The following ATP8B3 variants were observed in gnomAD, a reference collection of about 807,000 sequenced individuals.
ATP8B3 encodes phospholipid-transporting ATPase IK.
A neutral mutation model predicts 140.9 loss-of-function variants in ATP8B3; 141 were observed. The ratio of observed to expected loss-of-function variants is 1.00; its 90% CI spans 0.87 to 1.15. The LOEUF (loss-of-function observed/expected upper bound fraction) is 1.15. Ranked by LOEUF, ATP8B3 falls within the 50% of genes most tolerant of loss-of-function variation. The pLI, the probability that ATP8B3 is intolerant of heterozygous loss-of-function variation, is 0.00. For synonymous variants in ATP8B3, 765 were observed against 714.6 expected (o/e 1.07, Z -1.13); for missense variants, 1,874 against 1,740.6 (o/e 1.08, Z -1.36).
intron 18 of ATP8B3, 89 bp from the exon 19 acceptor site, chr19:1,792,224 C>A (rs1043759636): frequency 1.7e-5 from 24 of 1,405,550 alleles, no homozygotes; most frequent in Admixed American, 1.6e-4. Flanking sequence ...GCTCCGGAGC[C>A]TGGGTCCCCC....
In ATP8B3 at chr19:1,809,679, C is replaced by G. The variant is rs747265081; in HGVS notation, c.366G>C (p.Glu122Asp). 1.2e-6 allele frequency: 2 copies of G among 1,611,486 alleles called. No homozygotes were observed. Among genetic ancestry groups the G allele is most frequent in the Non-Finnish European group, 1.7e-6 (2 of 1,179,176 alleles). ...NNRAYNGQFK[E>D]KVILCWQRKK... ...TCCTTTGCCAGCACAGGATCACCTTCTCCTTGAACTGCCCGTTGTAGGCAC... is the reference window on the plus strand; with the variant it reads ...TCCTTTGCCAGCACAGGATCACCTTGTCCTTGAACTGCCCGTTGTAGGCAC... Residue 122 changes from glutamate to aspartate, a missense_variant, in exon 4 of 29, where the codon GAG becomes GAC. Around this residue, in one of 3 missense-constraint regions of ATP8B3, gnomAD observed 1,032 missense variants for 963.6 expected, o/e 1.07. Transcript: ENST00000310127.
chr19:1,788,811 C>A, intron 24 of ATP8B3, 86 bp downstream of exon 24: 2 of 1,279,378 alleles, frequency 1.6e-6, no homozygotes, highest in Non-Finnish European at 2.2e-6. Flanking sequence ...GTTCTCAGTG[C>A]GTCCAGGGCT....
chr19:1,802,748 C>T, intron 10 of ATP8B3, 103 bp from the exon 11 acceptor site: 1 of 1,369,688 alleles, frequency 7.3e-7, no homozygotes, highest in Non-Finnish European at 9.9e-7. Context: ...CCTCACGAGC[C>T]CCTCTGTGCC....
At chr19:1,792,914 CAAA>C (rs199718872) in intron 18 of ATP8B3, among the ~76,000 whole-genome samples, 39,565 of 100,384 alleles carry the variant, frequency 0.39, 5,739 homozygotes, top group East Asian at 0.53. Context: ...GATTCTGTTT[CAAA>C]AAAAAAAAAA....
chr19:1,806,834 G>C lies in ATP8B3; in HGVS notation c.616-145C>G. On this transcript the variant is annotated intron_variant, in intron 6 of 28. Coordinates refer to ENST00000310127, the MANE Select transcript of ATP8B3 (RefSeq NM_138813.4). The surrounding 1 kb of genome is among the most constrained non-coding windows in gnomAD (Gnocchi z 5.6). ...CCACGCCACGTTGCGTCTGCTCAGG[G>C]ATCCCGGACGTGGGGGCCACTGGAC... The C allele has an allele frequency of 1.1e-6, 1 of 948,184 alleles. No individual in the cohort carries two copies. Among genetic ancestry groups the C allele is most frequent in the Non-Finnish European group, 1.6e-6 (1 of 625,356 alleles). 58.7% of individuals were successfully genotyped at this position (948,184 alleles called of 1,614,324 possible).
intron 18 of ATP8B3, among the ~76,000 whole-genome samples, chr19:1,793,398 G>A (rs1416910059): frequency 6.6e-6 from 1 of 152,154 alleles, no homozygotes; most frequent in African/African-American, 2.4e-5. Context: ...ACCACACCTG[G>A]CCTGCATGGC....
At chr19:1,790,640 C>CA in intron 21 of ATP8B3, 117 bp downstream of exon 21, 2 of 614,534 alleles carry the variant, frequency 3.3e-6, no homozygotes, top group South Asian at 2.2e-5. Context: ...CCTCCCCTCT[C>CA]AATCCCCCCC....
intron 25 of ATP8B3, among the ~76,000 whole-genome samples, chr19:1,785,938 C>A (rs1248068493): frequency 2.6e-5 from 4 of 151,956 alleles, no homozygotes; most frequent in South Asian, 4.2e-4. Context: ...TGAGACCAGC[C>A]TGGACAACAT....
In ATP8B3 at chr19:1,806,311, G is replaced by T; in HGVS notation, c.678-142C>A. ...TTTGCCCCCTCAGGAAGCCTTCCCC[G>T]GGCTCCCACCCCACTCCCCGCGGGT... On this transcript the variant is annotated intron_variant, in intron 7 of 28. Transcript: ENST00000310127. This position sits in a 1 kb window ranked among gnomAD's most constrained non-coding sequence, Gnocchi z 5.6. 1 of 1,481,230 alleles carries T rather than the reference G, an allele frequency of 6.8e-7. No individual in the cohort carries two copies. The highest frequency in any genetic ancestry group is 8.9e-7 in the Non-Finnish European group (1 of 1,120,038). The allele number at this position is 1,481,230 out of a possible 1,614,324, so 91.8% of individuals were successfully genotyped here. A position where few individuals can be genotyped will look rare whatever the true frequency, so the allele number is the denominator to read the frequency against.
rs547624590 is a variant in ATP8B3 at position 1,794,673 on chromosome 19, A to G, written c.2055+1202T>C. 1.2e-3 allele frequency among the ~76,000 whole-genome samples: 190 copies of G among 152,288 alleles called. No homozygotes were observed. The highest frequency in any genetic ancestry group is 4.5e-3 in the African/African-American group (185 of 41,556). The stretch of plus-strand genomic sequence containing the variant: ...GGACACCGAAAGCTTCTGAATGACA[A>G]AGGTGCAGGGAAGACCCTCCCAGCA... On this transcript the variant is annotated intron_variant, in intron 18 of 28. Coordinates refer to ENST00000310127, the MANE Select transcript of ATP8B3 (RefSeq NM_138813.4). The surrounding 1 kb of genome is among the most constrained non-coding windows in gnomAD (Gnocchi z 4.8).
In ATP8B3 at chr19:1,789,579, G is replaced by C. The variant is rs1279324652; in HGVS notation, c.2627C>G (p.Pro876Arg). The change falls in exon 23 of 29, where the codon CCG becomes CGG. Residue 876 changes from proline to arginine, a missense_variant. By Grantham distance (103) the Pro-to-Arg change is moderately radical. This residue lies in a region of ATP8B3 where 840 missense variants were observed against 760.9 expected (regional missense o/e 1.10). Coordinates refer to ENST00000310127, the MANE Select transcript of ATP8B3 (RefSeq NM_138813.4). ...LSLLCRRFGL[P>R]LAAPPAQDSR... ...GTCCTGGGCTGGCGGTGCAGCCAGC[G>C]GGAGCCCGAACCTCCGGCACAGCAG... The C allele has an allele frequency of 6.3e-6, 10 of 1,593,404 alleles. No individual in the cohort carries two copies. Among genetic ancestry groups the C allele is most frequent in the African/African-American group, 1.3e-5 (1 of 74,582 alleles).
In ATP8B3 at chr19:1,802,660, G is replaced by A. The variant is rs578100072; in HGVS notation, c.905-15C>T. 3 of 1,604,146 alleles carry A rather than the reference G, an allele frequency of 1.9e-6. No homozygotes were observed. The highest frequency in any genetic ancestry group is 2.2e-5 in the East Asian group (1 of 44,506). On this transcript the variant is annotated splice_polypyrimidine_tract_variant and intron_variant, in intron 10 of 28. Coordinates refer to ENST00000310127, the MANE Select transcript of ATP8B3 (RefSeq NM_138813.4). ...CGTCACTGTGCCTGTGGGTGGCCAG[G>A]TGGTCAGTGGGTCAGTGGGCTCAGG...
chr19:1,810,812 C>A, intron 2 of ATP8B3, 129 bp from the exon 3 acceptor site: 1 of 794,994 alleles, frequency 1.3e-6, no homozygotes, highest in Non-Finnish European at 1.9e-6. Flanking sequence ...CATCTGCAGC[C>A]TCCCCGCCAG....
At chr19:1,795,807 A>ATAAGC in intron 18 of ATP8B3, 68 bp downstream of exon 18, 1 of 772,892 alleles carries the variant, frequency 1.3e-6, no homozygotes, top group East Asian at 2.8e-5. Flanking sequence ...ACACACACAC[A>ATAAGC]CACACACACA....
chr19:1,797,202 G>A (rs2068706671), intron 14 of ATP8B3, among the ~76,000 whole-genome samples, 197 bp from the exon 15 acceptor site: 1 of 152,180 alleles, frequency 6.6e-6, no homozygotes, highest in African/African-American at 2.4e-5. Flanking sequence ...CAGAAAGCGG[G>A]GAAGAGGGGA....
intron 12 of ATP8B3, among the ~76,000 whole-genome samples, chr19:1,801,323 C>T (rs556774530): frequency 1.9e-4 from 29 of 151,722 alleles, no homozygotes; most frequent in Admixed American, 6.6e-4. Context: ...AGCTAATTTT[C>T]GATTTTCTGT....
chr19:1,805,621 G>T lies in ATP8B3; in HGVS notation c.822-165C>A, dbSNP rs1307978451. On this transcript the variant is annotated intron_variant, in intron 9 of 28. Transcript: ENST00000310127. This position sits in a 1 kb window ranked among gnomAD's most constrained non-coding sequence, Gnocchi z 5.2. ...AGAGAGGGAGAAGGCCTTGCCCAAG[G>T]CCACACAGCACATTTGCAAAGTGCT... Among the ~76,000 whole-genome samples the T allele has an allele frequency of 2.0e-5, 3 of 152,092 alleles. No individual in the cohort carries two copies. Among genetic ancestry groups the T allele is most frequent in the African/African-American group, 7.2e-5 (3 of 41,452 alleles).
At chr19:1,795,567 A>G (rs988635868) in intron 18 of ATP8B3, among the ~76,000 whole-genome samples, 2 of 152,084 alleles carry the variant, frequency 1.3e-5, no homozygotes, top group African/African-American at 4.8e-5. Context: ...AAGAAAAGAA[A>G]GACAAGACAA....
In ATP8B3 at chr19:1,806,413, G is replaced by C. The variant is rs534282789; in HGVS notation, c.677+215C>G. On this transcript the variant is annotated intron_variant, in intron 7 of 28. Coordinates refer to ENST00000310127, the MANE Select transcript of ATP8B3 (RefSeq NM_138813.4). The surrounding 1 kb of genome is among the most constrained non-coding windows in gnomAD (Gnocchi z 5.6). ...ACTTTCCTTGTCCTCCCCATCGCCC[G>C]AGCCCTAAGCTCTGCAAGGGTTCGC... The C allele has an allele frequency of 1.4e-6, 2 of 1,444,194 alleles. No individual in the cohort carries two copies. The highest frequency in any genetic ancestry group is 1.5e-5 in the South Asian group (1 of 67,956). 89.5% of individuals were successfully genotyped at this position (1,444,194 alleles called of 1,614,324 possible).
Sources: allele counts gnomAD v4.1 joint callset (sites outside exome capture counted in the v4.1 genomes callset), GRCh38; gene constraint gnomAD v4.1.1; regional missense constraint gnomAD v4.1.1; non-coding constraint Gnocchi (gnomAD v3.1); transcripts MANE v1.5; gene names NCBI Gene and HGNC (gene_info 2026-07-23, HGNC 2026-07-21).